TTLL11: variants seen among roughly 807,000 people sequenced by gnomAD.
TTLL11 encodes the protein tubulin tyrosine ligase like 11.
A neutral mutation model predicts 51.7 loss-of-function variants in TTLL11; 42 were observed. That is an observed-to-expected ratio of 0.81 (90% CI 0.64 to 1.05). The LOEUF (loss-of-function observed/expected upper bound fraction) is 1.05, where lower values mean the gene tolerates loss of function less well. Among genes scored for constraint, TTLL11 ranks in the 50% least tolerant of loss-of-function variants. The pLI is 0.00. For synonymous variants in TTLL11, 381 were observed against 383.5 expected, an observed-to-expected ratio of 0.99 and a Z score of 0.08; for missense variants, 799 against 940.4, an observed-to-expected ratio of 0.85 and a Z score of 1.97.
rs552780315 is a variant in TTLL11 at position 121,815,676 on chromosome 9, G to A, written c.*6911C>T. The A allele has an allele frequency of 1.3e-5, 2 of 152,202 alleles. No individual in the cohort carries two copies. Among genetic ancestry groups the A allele is most frequent in the Non-Finnish European group, 2.9e-5 (2 of 68,044 alleles). The allele number at this position is 152,202 out of a possible 1,614,324, so 9.4% of individuals were successfully genotyped here. A position where few individuals can be genotyped will look rare whatever the true frequency, so the allele number is the denominator to read the frequency against. ...AACAAACTGTCAATACTTCGCAGTC[G>A]TTTATACAATGAGCCTGTGTTTAGC... On this transcript the variant is annotated 3_prime_UTR_variant, in exon 9 of 9. Transcript: ENST00000321582.
intron 3 of TTLL11, among the ~76,000 whole-genome samples, chr9:122,026,275 T>C (rs192677944): frequency 1.3e-5 from 2 of 151,706 alleles, no homozygotes; most frequent in African/African-American, 4.8e-5. Context: ...CCATCTGTAA[T>C]AAAAATACAA....
rs545014792 is a variant in TTLL11 at position 121,987,455 on chromosome 9, C to T, written c.1269+1740G>A. 1.3e-4 allele frequency among the ~76,000 whole-genome samples: 20 copies of T among 152,282 alleles called. No homozygotes were observed. The East Asian group carries it at 3.5e-3, about 26-fold the overall frequency. ...TGTCTGGACACCACGTCTCCCCACC[C>T]TGCACTGTCACAGCTGAATGGCCTG... On this transcript the variant is annotated intron_variant, in intron 4 of 8. Transcript: ENST00000321582.
intron 3 of TTLL11, among the ~76,000 whole-genome samples, chr9:122,013,421 AAGGATACGT>A (rs1490200641): frequency 6.6e-6 from 1 of 152,182 alleles, no homozygotes; most frequent in Non-Finnish European, 1.5e-5. Context: ...GGCTCTGAAC[AAGGATACGT>A]AGCAAAGGTT....
At chr9:121,947,811 C>A (rs954229793) in intron 6 of TTLL11, among the ~76,000 whole-genome samples, 6 of 152,132 alleles carry the variant, frequency 3.9e-5, no homozygotes, top group South Asian at 2.1e-4. Context: ...TCTCCAGTAC[C>A]CCCGCGGAGC....
intron 6 of TTLL11, among the ~76,000 whole-genome samples, chr9:121,917,431 C>T (rs1381741827): frequency 6.6e-6 from 1 of 150,928 alleles, no homozygotes; most frequent in South Asian, 2.1e-4. Flanking sequence ...GATTGCACCA[C>T]TGCACTTTAG....
chr9:121,855,821 G>C (rs1837799846), intron 8 of TTLL11, among the ~76,000 whole-genome samples: 1 of 152,174 alleles, frequency 6.6e-6, no homozygotes, highest in South Asian at 2.1e-4. Context: ...CATGTGCTAG[G>C]CCCTCAAGGA....
At chr9:121,956,702 T>C (rs968868724) in intron 6 of TTLL11, among the ~76,000 whole-genome samples, 11 of 152,192 alleles carry the variant, frequency 7.2e-5, no homozygotes, top group African/African-American at 2.7e-4. Flanking sequence ...AGGCAAGTAG[T>C]TCTCAAAGTG....
rs766534838 is a variant in TTLL11 at position 121,974,960 on chromosome 9, A to G, written c.1289T>C (p.Leu430Pro). 22 of 1,542,334 alleles carry G rather than the reference A, an allele frequency of 1.4e-5. No individual in the cohort carries two copies. The South Asian group carries it at 2.1e-4, about 15-fold the overall frequency. ...TCFQILGFDILLMKNLKPILL... is the reference protein window; with the variant it reads ...TCFQILGFDIPLMKNLKPILL... ...TATAGGCTTCAGATTTTTCATTAGAAGAATGTCAAAGCCTAAAATCTGGGC... is the reference window on the plus strand; with the variant it reads ...TATAGGCTTCAGATTTTTCATTAGAGGAATGTCAAAGCCTAAAATCTGGGC... The change falls in exon 5 of 9, where the codon CTT (leucine) becomes CCT (proline). Residue 430 changes from leucine to proline, a missense_variant. Transcript: ENST00000321582.
intron 1 of TTLL11, among the ~76,000 whole-genome samples, chr9:122,057,194 G>A (rs993513551): frequency 1.5e-4 from 23 of 151,986 alleles, no homozygotes; most frequent in South Asian, 6.2e-4. Context: ...GATTTAAATC[G>A]GTGAATAAAT....
chr9:121,969,210 A>G (rs919438327), intron 6 of TTLL11, among the ~76,000 whole-genome samples: 1 of 152,232 alleles, frequency 6.6e-6, no homozygotes, highest in Admixed American at 6.5e-5. Flanking sequence ...CATTTTATAG[A>G]AAAGATTATG....
chr9:122,052,578 T>C (rs183388276), intron 1 of TTLL11, among the ~76,000 whole-genome samples: 47 of 152,322 alleles, frequency 3.1e-4, no homozygotes, highest in African/African-American at 1.1e-3. Flanking sequence ...CTTCCATTCT[T>C]TCCTATCATT....
chr9:121,857,624 C>T (rs1478242633), intron 8 of TTLL11, among the ~76,000 whole-genome samples: 1 of 152,210 alleles, frequency 6.6e-6, no homozygotes, highest in African/African-American at 2.4e-5. Context: ...GAGGTCTGGC[C>T]AAGGGCCTGG....
At chr9:122,003,390 C>T (rs1379556730) in intron 3 of TTLL11, among the ~76,000 whole-genome samples, 1 of 151,466 alleles carries the variant, frequency 6.6e-6, no homozygotes, top group Non-Finnish European at 1.5e-5. Context: ...TCAATGGTGA[C>T]GTTAGTCAAT....
intron 8 of TTLL11, among the ~76,000 whole-genome samples, chr9:121,854,174 T>G (rs1183001485): frequency 1.3e-5 from 2 of 152,160 alleles, no homozygotes; most frequent in East Asian, 3.9e-4. Context: ...GTTTGTCTGA[T>G]TCTGGAGACT....
At position 121,995,937 on chromosome 9, in the gene TTLL11, G is replaced by A. The variant is rs548635981; in HGVS notation, c.694-6167C>T. 2.2e-4 allele frequency among the ~76,000 whole-genome samples: 34 copies of A among 152,328 alleles called. No homozygotes were observed. The highest frequency in any genetic ancestry group is 7.0e-4 in the African/African-American group (29 of 41,574). On this transcript the variant is annotated intron_variant, in intron 3 of 8. Coordinates refer to ENST00000321582, the MANE Select transcript of TTLL11 (RefSeq NM_001139442.2). This position sits in a 1 kb window ranked among gnomAD's most constrained non-coding sequence, Gnocchi z 4.4. ...TGGTGAGCGCGGGAACCACGGGCCC[G>A]TGAGAAGTAGTGCCTGCCACTGTGC...
intron 1 of TTLL11, among the ~76,000 whole-genome samples, chr9:122,079,067 CAT>C (rs1209459243): frequency 6.6e-6 from 1 of 152,058 alleles, no homozygotes; most frequent in Non-Finnish European, 1.5e-5. Context: ...GTTATGTGCA[CAT>C]ATGTTTTCGT....
rs1200919213 is a variant in TTLL11 at position 121,819,018 on chromosome 9, CGT to C, written c.*3567_*3568del. 6.5e-6 allele frequency: 1 copy of C among 152,680 alleles called. No homozygotes were observed. Among genetic ancestry groups the C allele is most frequent in the Non-Finnish European group, 1.5e-5 (1 of 68,436 alleles). 9.5% of individuals were successfully genotyped at this position (152,680 alleles called of 1,614,324 possible). ...GGCAGCGGAAGCCCAGGCGAGAGAC[CGT>C]GTCCGAGTTTGGGGGACTGGACAGA... On this transcript the variant is annotated 3_prime_UTR_variant, in exon 9 of 9. Coordinates refer to ENST00000321582, the MANE Select transcript of TTLL11 (RefSeq NM_001139442.2).
At chr9:121,921,237 T>C (rs961035356) in intron 6 of TTLL11, among the ~76,000 whole-genome samples, 1 of 152,202 alleles carries the variant, frequency 6.6e-6, no homozygotes, top group Non-Finnish European at 1.5e-5. Flanking sequence ...ACTAGCCAGT[T>C]CCTTCTTTCC....
intron 6 of TTLL11, among the ~76,000 whole-genome samples, chr9:121,955,936 TTTATC>T (rs1178787727): frequency 1.2e-4 from 18 of 152,308 alleles, no homozygotes; most frequent in Admixed American, 1.1e-3. Context: ...TGGAACATAA[TTTATC>T]TATTGTTCCA....
Sources: gnomAD v4.1 joint callset for allele counts (sites outside exome capture counted in the v4.1 genomes callset) on GRCh38, gnomAD v4.1.1 for gene constraint, Gnocchi (gnomAD v3.1) non-coding constraint, MANE v1.5 for transcripts, NCBI Gene and HGNC (gene_info 2026-07-23, HGNC 2026-07-21) for gene names.